The following CNTNAP2 variants were observed in gnomAD, a reference collection of about 807,000 sequenced individuals.
CNTNAP2 encodes the protein contactin associated protein 2.
In CNTNAP2, 98 loss-of-function variants were observed where a neutral mutation model predicts 155.2. The ratio of observed to expected loss-of-function variants is 0.63; its 90% CI spans 0.54 to 0.75. The LOEUF (loss-of-function observed/expected upper bound fraction) is 0.75. CNTNAP2 is among the 30% of genes least tolerant of loss of function. CNTNAP2 has a pLI of 0.00. For synonymous variants in CNTNAP2, 651 were observed against 631.2 expected (o/e 1.03, Z -0.47); for missense variants, 1,727 against 1,688.1 (o/e 1.02, Z -0.40).
chr7:147,246,763 C>T (rs774257561), intron 8 of CNTNAP2, among the ~76,000 whole-genome samples: 2 of 152,184 alleles, frequency 1.3e-5, no homozygotes, highest in African/African-American at 2.4e-5. Context: ...AATAACCTCA[C>T]AGAAATATCC....
chr7:148,054,897 T>C (rs1802979267), intron 15 of CNTNAP2, among the ~76,000 whole-genome samples: 1 of 151,530 alleles, frequency 6.6e-6, no homozygotes, highest in African/African-American at 2.4e-5. Context: ...TTTTTTTTTT[T>C]TCTGAGATGG....
At chr7:148,287,626 A>C (rs935546026) in intron 21 of CNTNAP2, among the ~76,000 whole-genome samples, 3 of 152,092 alleles carry the variant, frequency 2.0e-5, no homozygotes, top group African/African-American at 7.2e-5. Flanking sequence ...TATAAAGAAA[A>C]TGACTTTATT....
chr7:147,050,979 TG>T (rs2129258485), intron 4 of CNTNAP2, among the ~76,000 whole-genome samples: 2 of 152,190 alleles, frequency 1.3e-5, no homozygotes, highest in South Asian at 4.1e-4. Context: ...TCTTCGCTTT[TG>T]TCTGTGTCTC....
chr7:146,779,219 G>C (rs2129186765), intron 2 of CNTNAP2, among the ~76,000 whole-genome samples: 1 of 152,186 alleles, frequency 6.6e-6, no homozygotes, highest in East Asian at 1.9e-4. Flanking sequence ...CCCCCTGTCT[G>C]AGCTCATTAA....
intron 12 of CNTNAP2, among the ~76,000 whole-genome samples, chr7:147,635,438 G>A (rs541261834): frequency 6.6e-6 from 1 of 152,044 alleles, no homozygotes; most frequent in East Asian, 1.9e-4. Context: ...CTCCAAAAAT[G>A]TATAAATGCT....
chr7:147,941,800 A>C (rs1051511728), intron 14 of CNTNAP2, among the ~76,000 whole-genome samples: 1 of 152,172 alleles, frequency 6.6e-6, no homozygotes, highest in African/African-American at 2.4e-5. Context: ...TTTCTTGCTC[A>C]GTTGTTACTG....
Position 147,127,840 on chromosome 7 carries a change from G to A in CNTNAP2, c.940-853G>A, listed in dbSNP as rs531412473. On this transcript the variant is annotated intron_variant, in intron 6 of 23. Transcript: ENST00000361727. Reference sequence around the variant, plus strand: ...TTAAAAGATATATATTACAAGTATTGTATATCTTGATATTATAATTAGCGG... The same window carrying A: ...TTAAAAGATATATATTACAAGTATTATATATCTTGATATTATAATTAGCGG... Among the ~76,000 whole-genome samples the A allele has an allele frequency of 5.3e-5, 8 of 152,084 alleles. No individual in the cohort carries two copies. In the East Asian group the frequency reaches 1.2e-3, roughly 22 times the overall value.
At chr7:148,365,537 T>C (rs1177936) in intron 21 of CNTNAP2, among the ~76,000 whole-genome samples, 50,655 of 151,120 alleles carry the variant, frequency 0.34, 8,828 homozygotes, top group Non-Finnish European at 0.39. Flanking sequence ...TGGTAGAATG[T>C]GCCTGTAATC....
At chr7:147,418,802 G>A (rs1050198870) in intron 10 of CNTNAP2, among the ~76,000 whole-genome samples, 26 of 152,090 alleles carry the variant, frequency 1.7e-4, no homozygotes, top group African/African-American at 6.0e-4. Flanking sequence ...ATTTAACAAC[G>A]GTCTACTTTA....
chr7:146,446,698 AGCATT>A (rs1796407458), intron 1 of CNTNAP2, among the ~76,000 whole-genome samples: 1 of 152,114 alleles, frequency 6.6e-6, no homozygotes, highest in African/African-American at 2.4e-5. Flanking sequence ...CTGAATATTT[AGCATT>A]GCACAGAACA....
At chr7:147,422,898 C>T (rs1797318742) in intron 10 of CNTNAP2, among the ~76,000 whole-genome samples, 1 of 152,044 alleles carries the variant, frequency 6.6e-6, no homozygotes, top group Non-Finnish European at 1.5e-5. Flanking sequence ...TTGCAAATAT[C>T]TAATGATAAT....
intron 10 of CNTNAP2, among the ~76,000 whole-genome samples, chr7:147,463,606 A>G (rs1184527983): frequency 5.3e-5 from 8 of 152,192 alleles, no homozygotes; most frequent in Admixed American, 5.2e-4. Context: ...CCTTCTTTCA[A>G]ACATGTTCAA....
At chr7:147,456,923 A>G (rs188900876) in intron 10 of CNTNAP2, among the ~76,000 whole-genome samples, 47 of 152,326 alleles carry the variant, frequency 3.1e-4, no homozygotes, top group Non-Finnish European at 6.5e-4. Flanking sequence ...TGATAAGTGT[A>G]GAAACACCAG....
intron 10 of CNTNAP2, among the ~76,000 whole-genome samples, chr7:147,483,487 C>T (rs950591633): frequency 6.6e-6 from 1 of 152,034 alleles, no homozygotes; most frequent in African/African-American, 2.4e-5. Context: ...TTTCTATCAT[C>T]GAGATGATTT....
chr7:146,381,510 T>C (rs1795389238), intron 1 of CNTNAP2, among the ~76,000 whole-genome samples: 1 of 152,178 alleles, frequency 6.6e-6, no homozygotes, highest in African/African-American at 2.4e-5. Flanking sequence ...ATGGTGATAA[T>C]AACAGTACCT....
chr7:146,238,088 C>T (rs570244341), intron 1 of CNTNAP2, among the ~76,000 whole-genome samples: 1 of 152,290 alleles, frequency 6.6e-6, no homozygotes, highest in African/African-American at 2.4e-5. Flanking sequence ...CACTATCATT[C>T]CCCCAGATTC....
chr7:146,734,971 A>G (rs1050013255), intron 1 of CNTNAP2, among the ~76,000 whole-genome samples: 4 of 152,318 alleles, frequency 2.6e-5, no homozygotes, highest in Admixed American at 1.3e-4. Context: ...AAACACAGCT[A>G]AATGAACCGA....
chr7:147,815,452 T>G (rs535216553), intron 13 of CNTNAP2, among the ~76,000 whole-genome samples: 2 of 152,300 alleles, frequency 1.3e-5, no homozygotes, highest in East Asian at 3.9e-4. Context: ...TTCTTGCATG[T>G]GGGCCCCGAC....
chr7:147,657,566 T>C (rs539237982), intron 13 of CNTNAP2, among the ~76,000 whole-genome samples: 4 of 152,088 alleles, frequency 2.6e-5, no homozygotes, highest in African/African-American at 7.2e-5. Flanking sequence ...CACCTTAATA[T>C]AGAAACAAAG....
Sources: gnomAD v4.1 joint callset for allele counts (sites outside exome capture counted in the v4.1 genomes callset) on GRCh38, gnomAD v4.1.1 for gene constraint, MANE v1.5 for transcripts, NCBI Gene and HGNC (gene_info 2026-07-23, HGNC 2026-07-21) for gene names.